The following COL14A1 variants were observed in gnomAD, a reference collection of about 807,000 sequenced individuals.
The protein encoded by COL14A1 is collagen type XIV alpha 1 chain.
In COL14A1, 136 loss-of-function variants were observed where a neutral mutation model predicts 230.3. That is an observed-to-expected ratio of 0.59 (90% CI 0.51 to 0.68). The LOEUF is 0.68. Ranked by LOEUF, COL14A1 falls within the 30% of genes least tolerant of loss-of-function variation. COL14A1 has a pLI of 0.00. For synonymous variants in COL14A1, 792 were observed against 784.1 expected, an observed-to-expected ratio of 1.01 and a Z score of -0.17; for missense variants, 1,976 against 2,215.8, an observed-to-expected ratio of 0.89 and a Z score of 2.17.
intron 4 of COL14A1, among the ~76,000 whole-genome samples, chr8:120,166,920 G>GTGTGTGTA (rs1408587686): frequency 6.9e-6 from 1 of 144,426 alleles, no homozygotes; most frequent in Non-Finnish European, 1.5e-5. Context: ...GTGTGTGTGT[G>GTGTGTGTA]TGGTGGTGAT....
intron 14 of COL14A1, among the ~76,000 whole-genome samples, chr8:120,224,286 C>A (rs1296943165): frequency 6.6e-6 from 1 of 152,006 alleles, no homozygotes; most frequent in Non-Finnish European, 1.5e-5. Context: ...CTCGGCCTCC[C>A]AAAGTGCTGG....
intron 5 of COL14A1, among the ~76,000 whole-genome samples, chr8:120,176,924 C>A (rs1229274765): frequency 6.6e-6 from 1 of 152,056 alleles, no homozygotes; most frequent in African/African-American, 2.4e-5. Flanking sequence ...AGATAGTTGA[C>A]ATGGTGTTCC....
chr8:120,293,878 A>T (rs1219493869), intron 34 of COL14A1, among the ~76,000 whole-genome samples: 1 of 151,762 alleles, frequency 6.6e-6, no homozygotes, highest in Non-Finnish European at 1.5e-5. Context: ...TATGAATTTT[A>T]TTTTCTAATT....
intron 14 of COL14A1, among the ~76,000 whole-genome samples, chr8:120,218,778 C>T (rs1025139097): frequency 6.6e-6 from 1 of 152,156 alleles, no homozygotes; most frequent in Non-Finnish European, 1.5e-5. Flanking sequence ...ATCCAGGACG[C>T]AGCCAGTCTC....
chr8:120,345,505 C>G lies in COL14A1; in HGVS notation c.5019C>G (p.Pro1673=), dbSNP rs775630682. Residue 1673 remains proline (P), a synonymous_variant, in exon 45 of 48, where the codon CCC becomes CCG. Coordinates refer to ENST00000297848, the MANE Select transcript of COL14A1 (RefSeq NM_021110.4). ...CTGGAGCCCCTGGTGAACAAGGACC[C>G]CCAGGCACACCAGGCTTCCCCGGAA... ...GSPGAPGEQG[P]PGTPGFPGNA... 6.3e-7 allele frequency: 1 copy of G among 1,592,974 alleles called. No individual in the cohort carries two copies. Among genetic ancestry groups the G allele is most frequent in the Non-Finnish European group, 8.5e-7 (1 of 1,172,326 alleles).
At chr8:120,342,079 T>C (rs772260779) in intron 43 of COL14A1, among the ~76,000 whole-genome samples, 2 of 152,232 alleles carry the variant, frequency 1.3e-5, no homozygotes, top group Non-Finnish European at 2.9e-5. Flanking sequence ...TCTAAAGAGC[T>C]ATATATCACG....
intron 36 of COL14A1, 142 bp downstream of exon 36, chr8:120,300,960 A>C: frequency 1.4e-6 from 1 of 690,802 alleles, no homozygotes; most frequent in East Asian, 2.7e-5. Flanking sequence ...AGAGATGTTA[A>C]GTAACTTGAT....
At chr8:120,326,705 C>T (rs1586866856) in intron 40 of COL14A1, among the ~76,000 whole-genome samples, 1 of 152,196 alleles carries the variant, frequency 6.6e-6, no homozygotes, top group East Asian at 1.9e-4. Context: ...ATAAAGCAAG[C>T]AGATAACTCA....
At chr8:120,203,584 A>G (rs1817327073) in intron 8 of COL14A1, 125 bp from the exon 9 acceptor site, 7 of 629,388 alleles carry the variant, frequency 1.1e-5, no homozygotes. Flanking sequence ...ATATATATAT[A>G]CAAGTAGCAG....
At chr8:120,320,671 G>A (rs1467531322) in intron 40 of COL14A1, among the ~76,000 whole-genome samples, 1 of 152,188 alleles carries the variant, frequency 6.6e-6, no homozygotes, top group Non-Finnish European at 1.5e-5. Context: ...TGAAGAGGAT[G>A]TGTAAATACC....
chr8:120,318,662 G>A (rs1217507209), intron 40 of COL14A1, among the ~76,000 whole-genome samples: 1 of 152,128 alleles, frequency 6.6e-6, no homozygotes, highest in Non-Finnish European at 1.5e-5. Flanking sequence ...AGGAGGTGCT[G>A]TTTATAGAGT....
chr8:120,360,383 A>G (rs1823151268), intron 45 of COL14A1, among the ~76,000 whole-genome samples: 1 of 152,192 alleles, frequency 6.6e-6, no homozygotes, highest in Non-Finnish European at 1.5e-5. Context: ...TCTGGCACAC[A>G]AAGCTTGTCA....
chr8:120,360,203 C>T (rs1021112688), intron 45 of COL14A1, among the ~76,000 whole-genome samples: 2 of 152,162 alleles, frequency 1.3e-5, no homozygotes, highest in Non-Finnish European at 2.9e-5. Context: ...CTCCAGGCTG[C>T]CTTAACCAAT....
chr8:120,226,356 A>G (rs1818094373), intron 15 of COL14A1, among the ~76,000 whole-genome samples: 1 of 152,326 alleles, frequency 6.6e-6, no homozygotes, highest in South Asian at 2.1e-4. Context: ...TAATGAAAAC[A>G]GCCAAATAGA....
Position 120,126,296 on chromosome 8 carries a change from T to TG in COL14A1, c.-38+959dup, listed in dbSNP as rs765952825. Among the ~76,000 whole-genome samples, 8 of 152,216 alleles carry TG rather than the reference T, an allele frequency of 5.3e-5. No individual in the cohort carries two copies. The East Asian group carries it at 9.7e-4, about 18-fold the overall frequency. On this transcript the variant is annotated intron_variant, in intron 1 of 47. Transcript: ENST00000297848. Reference sequence around the variant, plus strand: ...ACCACAGGTGCTCAGATCTTGGTGCTGGGTTCTTGGGTCCTCTGTGGCTCA... The same window carrying TG: ...ACCACAGGTGCTCAGATCTTGGTGCTGGGGTTCTTGGGTCCTCTGTGGCTCA...
At chr8:120,155,401 T>C (rs1201069166) in intron 2 of COL14A1, among the ~76,000 whole-genome samples, 14 of 152,178 alleles carry the variant, frequency 9.2e-5, no homozygotes, top group Non-Finnish European at 5.9e-5. Context: ...TACTGGAGAT[T>C]TGGAAGCCAA....
rs902460633 is a variant in COL14A1, at chr8:120,261,712, G to A, written c.2870-1156G>A. ...TTGGCTGTGTATGACATGTCTCCTT[G>A]GTAGATAAAAAAAGAACCAGAAATT... On this transcript the variant is annotated intron_variant, in intron 23 of 47. Transcript: ENST00000297848. Among the ~76,000 whole-genome samples, 5 of 152,082 alleles carry A rather than the reference G, an allele frequency of 3.3e-5. No individual in the cohort carries two copies. In the East Asian group the frequency reaches 7.7e-4, roughly 23 times the overall value.
chr8:120,278,064 G>A, intron 26 of COL14A1, 47 bp from the exon 27 acceptor site: 2 of 1,514,586 alleles, frequency 1.3e-6, no homozygotes, highest in African/African-American at 2.8e-5. Flanking sequence ...CTCTGACCCA[G>A]TGGAAGTCTA....
At chr8:120,216,611 A>G in intron 14 of COL14A1, 121 bp downstream of exon 14, 1 of 1,062,174 alleles carries the variant, frequency 9.4e-7, no homozygotes, top group Admixed American at 2.6e-5. Context: ...ATTGTCTCGC[A>G]TAGTTCCTGT....
Sources: allele counts gnomAD v4.1 joint callset (sites outside exome capture counted in the v4.1 genomes callset), GRCh38; gene constraint gnomAD v4.1.1; transcripts MANE v1.5; gene names NCBI Gene and HGNC (gene_info 2026-07-23, HGNC 2026-07-21).